Variants in PLGRKT observed in about 807,000 individuals in gnomAD.
PLGRKT encodes the protein plasminogen receptor with a C-terminal lysine.
Under a neutral mutation model 18.5 loss-of-function variants are expected in PLGRKT, and 22 were observed. That is an observed-to-expected ratio of 1.19 (90% CI 0.85 to 1.70). The LOEUF (loss-of-function observed/expected upper bound fraction) is 1.70. Among genes scored for constraint, PLGRKT ranks in the 40% most tolerant of loss-of-function variants. The pLI is 0.00. For missense variants in PLGRKT, 235 were observed against 174.4 expected (o/e 1.35, Z -1.96); for synonymous variants, 72 against 52.8 (o/e 1.36, Z -1.58).
At chr9:5,390,229 G>C (rs563889867) in intron 3 of PLGRKT, among the ~76,000 whole-genome samples, 1 of 137,102 alleles carries the variant, frequency 7.3e-6, no homozygotes, top group South Asian at 2.6e-4. Flanking sequence ...GTGTGTGTGT[G>C]TGTGTGTATG....
Position 5,395,962 on chromosome 9 carries a change from T to G in PLGRKT, c.82-34074A>C, listed in dbSNP as rs150145269. On this transcript the variant is annotated intron_variant, in intron 3 of 5. Transcript: ENST00000223864. Reference sequence around the variant, plus strand: ...AGACTGGCGTGAGGTGGCACAATCTTGGTTCACTGCAACCTCCACCTCCCG... The same window carrying G: ...AGACTGGCGTGAGGTGGCACAATCTGGGTTCACTGCAACCTCCACCTCCCG... 4.6e-3 allele frequency among the ~76,000 whole-genome samples: 688 copies of G among 151,166 alleles called. 2 individuals carry two copies. The highest frequency in any genetic ancestry group is 7.1e-3 in the South Asian group (34 of 4,782).
intron 3 of PLGRKT, among the ~76,000 whole-genome samples, chr9:5,414,014 G>C (rs529976402): frequency 1.3e-5 from 2 of 152,162 alleles, no homozygotes; most frequent in Admixed American, 1.3e-4. Flanking sequence ...GCTATTAACT[G>C]TACCAAATCA....
chr9:5,417,208 G>A (rs1246918710), intron 3 of PLGRKT, among the ~76,000 whole-genome samples: 3 of 152,144 alleles, frequency 2.0e-5, no homozygotes, highest in African/African-American at 7.2e-5. Flanking sequence ...CTGGTAAGCA[G>A]TTTCTTTATC....
In PLGRKT at chr9:5,358,073, T is replaced by C. The variant is rs1817177395; in HGVS notation, c.*166A>G. ...TATTTAGAGCACCTCCATGATTTTG[T>C]GTTGAATGTTATAAATTTTATTTTA... On this transcript the variant is annotated 3_prime_UTR_variant, in exon 6 of 6. Coordinates refer to ENST00000223864, the MANE Select transcript of PLGRKT (RefSeq NM_018465.4). 4 of 501,534 alleles carry C rather than the reference T, an allele frequency of 8.0e-6. No individual in the cohort carries two copies. Among genetic ancestry groups the C allele is most frequent in the East Asian group, 6.3e-5 (2 of 31,860 alleles). The allele number at this position is 501,534 out of a possible 1,614,324, so 31.1% of individuals were successfully genotyped here.
intron 3 of PLGRKT, among the ~76,000 whole-genome samples, chr9:5,424,691 T>TATATATATATATATATATATACAC (rs201541927): frequency 1.4e-4 from 10 of 70,498 alleles, no homozygotes; most frequent in African/African-American, 6.1e-4. Flanking sequence ...TATATATATA[T>TATATATATATATATATATATACAC]ACACACAGGG....
intron 3 of PLGRKT, among the ~76,000 whole-genome samples, chr9:5,388,561 AGCCC>A (rs2131105788): frequency 6.6e-6 from 1 of 152,142 alleles, no homozygotes; most frequent in Non-Finnish European, 1.5e-5. Context: ...CTCTTTCCCC[AGCCC>A]TTGAGGTTTT....
At chr9:5,430,749 C>A (rs529660905) in intron 3 of PLGRKT, among the ~76,000 whole-genome samples, 1 of 152,330 alleles carries the variant, frequency 6.6e-6, no homozygotes, top group African/African-American at 2.4e-5. Flanking sequence ...GGACTTTCTA[C>A]TCCCAGAGCC....
chr9:5,401,226 C>G (rs1818147609), intron 3 of PLGRKT, among the ~76,000 whole-genome samples: 1 of 151,730 alleles, frequency 6.6e-6, no homozygotes, highest in South Asian at 2.1e-4. Flanking sequence ...GTCACAGAAA[C>G]TACTGGAAGT....
chr9:5,397,939 C>T (rs1306256868), intron 3 of PLGRKT, among the ~76,000 whole-genome samples: 2 of 151,820 alleles, frequency 1.3e-5, no homozygotes, highest in African/African-American at 4.9e-5. Flanking sequence ...AAAACTAGAA[C>T]GGGGAGGCAT....
intron 3 of PLGRKT, among the ~76,000 whole-genome samples, chr9:5,381,164 T>C (rs923776388): frequency 3.9e-5 from 6 of 152,212 alleles, no homozygotes; most frequent in African/African-American, 9.6e-5. Flanking sequence ...TACAGAAAAT[T>C]GGTAGTGGGA....
At chr9:5,413,639 C>A (rs10758686) in intron 3 of PLGRKT, among the ~76,000 whole-genome samples, 40,570 of 152,076 alleles carry the variant, frequency 0.27, 5,723 homozygotes, top group African/African-American at 0.34. Flanking sequence ...TTCTCCTAGA[C>A]CCTCCAGAAG....
chr9:5,379,811 C>T (rs1425901568), intron 3 of PLGRKT, among the ~76,000 whole-genome samples: 1 of 152,086 alleles, frequency 6.6e-6, no homozygotes, highest in Non-Finnish European at 1.5e-5. Context: ...TTTGGGAAAG[C>T]AGAAGAGTAC....
chr9:5,373,926 A>G (rs993944181), intron 3 of PLGRKT, among the ~76,000 whole-genome samples: 3 of 152,218 alleles, frequency 2.0e-5, no homozygotes, highest in African/African-American at 7.2e-5. Flanking sequence ...AAGAACAGCC[A>G]GGCATTGGAG....
intron 3 of PLGRKT, among the ~76,000 whole-genome samples, chr9:5,411,633 C>G (rs1230277876): frequency 6.6e-6 from 1 of 152,170 alleles, no homozygotes; most frequent in African/African-American, 2.4e-5. Flanking sequence ...ATCCACAGCC[C>G]TCAGTAGCCA....
intron 3 of PLGRKT, chr9:5,392,697 A>C: frequency 6.6e-6 from 1 of 151,962 alleles, no homozygotes; most frequent in Non-Finnish European, 1.5e-5. Flanking sequence ...GGTGATCATA[A>C]AATAAGAGAA....
chr9:5,400,598 A>G (rs945241864), intron 3 of PLGRKT, among the ~76,000 whole-genome samples: 2 of 151,938 alleles, frequency 1.3e-5, no homozygotes, highest in South Asian at 2.1e-4. Context: ...CATCATCCAA[A>G]TATTTCTTCT....
chr9:5,438,015 C>T (rs1818996874), upstream of PLGRKT: 1 of 152,216 alleles, frequency 6.6e-6, no homozygotes, highest in South Asian at 2.1e-4. Flanking sequence ...TCAGTGTTAC[C>T]AGAGGTGGGA....
chr9:5,358,692 T>C (rs1817193445), intron 5 of PLGRKT, among the ~76,000 whole-genome samples: 1 of 152,216 alleles, frequency 6.6e-6, no homozygotes, highest in South Asian at 2.1e-4. Context: ...AAACCACACA[T>C]AGTCTTTCCC....
At chr9:5,362,722 C>G (rs1817294568) in intron 3 of PLGRKT, among the ~76,000 whole-genome samples, 1 of 152,144 alleles carries the variant, frequency 6.6e-6, no homozygotes, top group Non-Finnish European at 1.5e-5. Flanking sequence ...TTAGTTTTCC[C>G]TCCATGCCCT....
Sources: allele counts gnomAD v4.1 joint callset (sites outside exome capture counted in the v4.1 genomes callset), GRCh38; gene constraint gnomAD v4.1.1; transcripts MANE v1.5; gene names NCBI Gene and HGNC (gene_info 2026-07-23, HGNC 2026-07-21).